The following NALCN variants were observed in gnomAD, a reference collection of about 807,000 sequenced individuals.
NALCN encodes sodium leak channel NALCN.
A neutral mutation model predicts 225.3 loss-of-function variants in NALCN; 111 were observed. The observed-to-expected ratio is 0.49, with a 90% confidence interval of 0.42 to 0.58. The LOEUF is 0.58. Ranked by LOEUF, NALCN falls within the 20% of genes least tolerant of loss-of-function variation. The probability of loss-of-function intolerance (pLI) is 0.00; values close to 1 mark genes in which losing one functional copy is unlikely to be tolerated. For synonymous variants in NALCN, 764 were observed against 769.0 expected, an observed-to-expected ratio of 0.99 and a Z score of 0.11; for missense variants, 1,378 against 2,202.4, an observed-to-expected ratio of 0.63 and a Z score of 7.49.
chr13:101,213,957 G>T (rs552929065), intron 13 of NALCN, among the ~76,000 whole-genome samples: 1 of 152,218 alleles, frequency 6.6e-6, no homozygotes, highest in East Asian at 1.9e-4. Context: ...ATACCCAAAG[G>T]ATTATAAATC....
chr13:101,305,050 C>T (rs1175143171), intron 7 of NALCN, among the ~76,000 whole-genome samples: 4 of 151,736 alleles, frequency 2.6e-5, no homozygotes, highest in East Asian at 3.9e-4. Flanking sequence ...CCACCGCACC[C>T]GGCCTGGCCT....
chr13:101,066,494 A>ATCTT (rs34327535), intron 39 of NALCN, among the ~76,000 whole-genome samples: 7,120 of 152,064 alleles, frequency 0.047, 523 homozygotes, highest in African/African-American at 0.16. Context: ...CCCTGGCTGT[A>ATCTT]TCTTTGAATG....
At chr13:101,314,104 T>G (rs977937258) in intron 7 of NALCN, among the ~76,000 whole-genome samples, 14 of 132,272 alleles carry the variant, frequency 1.1e-4, no homozygotes, top group Non-Finnish European at 1.8e-4. Flanking sequence ...AGGTGGGAAT[T>G]GAACAATGAG....
At position 101,124,640 on chromosome 13, in the gene NALCN, C is replaced by T. The variant is rs2036145175; in HGVS notation, c.2160G>A (p.Leu720=). The change falls in exon 18 of 44, where the codon CTG becomes CTA. Residue 720 remains leucine, a synonymous_variant. Transcript: ENST00000251127. ...SVFSIRARNL[L]EKETAVTKIL... ...TTTTAGTGACTGCGGTCTCCTTTTC[C>T]AGAAGGTTCCTTGCCCTGATGCTGA... 2 of 1,613,878 alleles carry T rather than the reference C, an allele frequency of 1.2e-6. No homozygotes were observed. The highest frequency in any genetic ancestry group is 2.7e-5 in the African/African-American group (2 of 74,872).
rs552058600 is a variant in NALCN, at chr13:101,101,481, A to T, written c.3058-593T>A. Among the ~76,000 whole-genome samples the T allele has an allele frequency of 1.2e-3, 190 of 152,028 alleles. 4 individuals are homozygous for T. Among genetic ancestry groups the T allele is most frequent in the South Asian group, 1.9e-3 (9 of 4,812 alleles). On this transcript the variant is annotated intron_variant, in intron 26 of 43. Transcript: ENST00000251127. ...TTTTTAGTAGAGACAGGGTTTCATC[A>T]TATTGGTCAGGCTGGTCTTGAACTC...
chr13:101,212,437 T>C (rs547261937), intron 13 of NALCN, among the ~76,000 whole-genome samples: 1 of 152,182 alleles, frequency 6.6e-6, no homozygotes, highest in African/African-American at 2.4e-5. Context: ...TCTTATGTGT[T>C]CTACTATGGG....
chr13:101,299,430 G>T (rs185631051), intron 7 of NALCN, among the ~76,000 whole-genome samples: 2,618 of 131,124 alleles, frequency 0.02, 42 homozygotes, highest in Middle Eastern at 0.048. Flanking sequence ...GGTTTTTTTT[G>T]TTTGTTTGTT....
At chr13:101,093,918 G>A (rs1327801910) in intron 28 of NALCN, among the ~76,000 whole-genome samples, 3 of 152,280 alleles carry the variant, frequency 2.0e-5, no homozygotes, top group Non-Finnish European at 2.9e-5. Context: ...AGGCCACCAC[G>A]AGATTCTCAC....
intron 13 of NALCN, among the ~76,000 whole-genome samples, chr13:101,196,332 T>C (rs2039889785): frequency 6.6e-6 from 1 of 152,224 alleles, no homozygotes; most frequent in Non-Finnish European, 1.5e-5. Flanking sequence ...CTTACTATCC[T>C]GCAGATGTTC....
intron 6 of NALCN, among the ~76,000 whole-genome samples, chr13:101,363,164 C>G (rs532354761): frequency 6.6e-6 from 1 of 151,974 alleles, no homozygotes; most frequent in Non-Finnish European, 1.5e-5. Flanking sequence ...CAACACTACC[C>G]GAAGCAATCT....
intron 6 of NALCN, 104 bp downstream of exon 6, chr13:101,376,596 T>G (rs1435717717): frequency 8.5e-7 from 1 of 1,183,052 alleles, no homozygotes; most frequent in Non-Finnish European, 1.2e-6. Context: ...AAAGAGGACA[T>G]AAGCACTGTT....
chr13:101,153,057 CTTT>C (rs551763648), intron 15 of NALCN, among the ~76,000 whole-genome samples: 1 of 151,262 alleles, frequency 6.6e-6, no homozygotes, highest in Non-Finnish European at 1.5e-5. Context: ...TAATTTTTCT[CTTT>C]TTTTTAATTT....
intron 27 of NALCN, among the ~76,000 whole-genome samples, chr13:101,096,605 G>C (rs988076423): frequency 5.9e-5 from 9 of 152,110 alleles, no homozygotes; most frequent in African/African-American, 1.7e-4. Flanking sequence ...AGAGACATAG[G>C]GTTTCTTTTC....
chr13:101,363,458 G>C (rs769625978), intron 6 of NALCN, among the ~76,000 whole-genome samples: 4 of 152,002 alleles, frequency 2.6e-5, no homozygotes, highest in Admixed American at 6.6e-5. Context: ...ATTCATTCTT[G>C]ACAAAGGTAT....
rs750332886 is a variant in NALCN, at chr13:101,073,575, G to C, written c.4197+9C>G. Reference sequence around the variant, plus strand: ...AGTCTAAGCCTTGTTCATGATGAGAGATATTTACCATACAGTCATGCATAA... The same window carrying C: ...AGTCTAAGCCTTGTTCATGATGAGACATATTTACCATACAGTCATGCATAA... On this transcript the variant is annotated intron_variant, in intron 37 of 43. Coordinates refer to ENST00000251127, the MANE Select transcript of NALCN (RefSeq NM_052867.4). The C allele has an allele frequency of 1.9e-6, 3 of 1,604,930 alleles. No homozygotes were observed. The highest frequency in any genetic ancestry group is 2.6e-6 in the Non-Finnish European group (3 of 1,173,102).
intron 10 of NALCN, among the ~76,000 whole-genome samples, chr13:101,278,883 C>G (rs1017146368): frequency 1.3e-4 from 20 of 152,294 alleles, no homozygotes; most frequent in African/African-American, 3.8e-4. Flanking sequence ...TATTCAATTT[C>G]TAGTTCTTAC....
intron 7 of NALCN, among the ~76,000 whole-genome samples, chr13:101,336,202 T>C (rs2045373198): frequency 6.6e-6 from 1 of 152,062 alleles, no homozygotes; most frequent in South Asian, 2.1e-4. Flanking sequence ...AGCACAGAAC[T>C]CCACCAGTGA....
chr13:101,194,539 G>C (rs1449769961), intron 13 of NALCN, among the ~76,000 whole-genome samples: 1 of 152,268 alleles, frequency 6.6e-6, no homozygotes, highest in East Asian at 1.9e-4. Context: ...TGCACTTACT[G>C]ACTTACATTG....
Position 101,104,708 on chromosome 13 carries a change from G to C in NALCN, c.2637-58C>G. 3 of 1,605,334 alleles carry C rather than the reference G, an allele frequency of 1.9e-6. No homozygotes were observed. In the South Asian group the frequency reaches 3.3e-5, roughly 18 times the overall value. ...AAGGTTCCAGGAAAGGCTTCTAAGA[G>C]TTAGAGATGATGGCTTCTGTGGCTC... On this transcript the variant is annotated intron_variant, in intron 23 of 43. Coordinates refer to ENST00000251127, the MANE Select transcript of NALCN (RefSeq NM_052867.4). This position sits in a 1 kb window ranked among gnomAD's most constrained non-coding sequence, Gnocchi z 4.2.
Sources: gnomAD v4.1 joint callset for allele counts (sites outside exome capture counted in the v4.1 genomes callset) on GRCh38, gnomAD v4.1.1 for gene constraint, Gnocchi (gnomAD v3.1) non-coding constraint, MANE v1.5 for transcripts, NCBI Gene and HGNC (gene_info 2026-07-23, HGNC 2026-07-21) for gene names.